ERBB4: variants seen among roughly 807,000 people sequenced by gnomAD.
The protein encoded by ERBB4 is erb-b2 receptor tyrosine kinase 4.
In ERBB4, 42 loss-of-function variants were observed where a neutral mutation model predicts 158.0. The observed-to-expected ratio is 0.27, with a 90% CI of 0.21 to 0.34. ERBB4 has a LOEUF of 0.34. Ranked by LOEUF, ERBB4 falls within the 10% of genes least tolerant of loss-of-function variation. The pLI is 1.00. For missense variants in ERBB4, 1,333 were observed against 1,624.1 expected, an observed-to-expected ratio of 0.82 and a Z score of 3.08; for synonymous variants, 583 against 558.7, an observed-to-expected ratio of 1.04 and a Z score of -0.61.
At chr2:211,472,204 T>A (rs2064843895) in intron 20 of ERBB4, among the ~76,000 whole-genome samples, 1 of 151,884 alleles carries the variant, frequency 6.6e-6, no homozygotes, top group Admixed American at 6.6e-5. Context: ...TAAGGAATGT[T>A]AAGAGGGAAG....
chr2:212,380,852 A>C (rs894432763), intron 1 of ERBB4, among the ~76,000 whole-genome samples: 1 of 151,186 alleles, frequency 6.6e-6, no homozygotes, highest in African/African-American at 2.4e-5. Context: ...TATTTACTTA[A>C]AGTTTATTCA....
intron 14 of ERBB4, among the ~76,000 whole-genome samples, chr2:211,668,423 T>C (rs542485488): frequency 2.8e-4 from 42 of 152,324 alleles, no homozygotes; most frequent in African/African-American, 9.1e-4. Context: ...TTTCATTATA[T>C]TCCCAAAGGC....
intron 1 of ERBB4, among the ~76,000 whole-genome samples, chr2:212,313,528 T>G (rs999809456): frequency 2.7e-5 from 4 of 146,820 alleles, no homozygotes; most frequent in Non-Finnish European, 4.6e-5. Flanking sequence ...TGATTCTAGT[T>G]TATTAATATC....
chr2:212,352,222 C>A (rs1362737633), intron 1 of ERBB4, among the ~76,000 whole-genome samples: 1 of 151,518 alleles, frequency 6.6e-6, no homozygotes, highest in Non-Finnish European at 1.5e-5. Flanking sequence ...AGGTACTATC[C>A]TTTGTACCTG....
chr2:212,060,709 G>C (rs528040209), intron 2 of ERBB4, among the ~76,000 whole-genome samples: 48 of 149,522 alleles, frequency 3.2e-4, no homozygotes, highest in African/African-American at 1.0e-3. Flanking sequence ...TTATCTCAAG[G>C]ATAAAAAACC....
At chr2:211,658,380 TAA>T (rs140947685) in intron 15 of ERBB4, among the ~76,000 whole-genome samples, 3 of 151,154 alleles carry the variant, frequency 2.0e-5, no homozygotes, top group African/African-American at 7.3e-5. Context: ...TAAGTTTAAA[TAA>T]AAAAAAAACA....
rs1402722 is a variant in ERBB4 at position 211,954,963 on chromosome 2, C to A, written c.235-7347G>T. Reference sequence around the variant, plus strand: ...ATAGTATGTTTGCTTTGGAATTCTGCGTTCATTTTTCCCATTGTTTTTAAA... The same window carrying A: ...ATAGTATGTTTGCTTTGGAATTCTGAGTTCATTTTTCCCATTGTTTTTAAA... On this transcript the variant is annotated intron_variant, in intron 2 of 27. Coordinates refer to ENST00000342788, the MANE Select transcript of ERBB4 (RefSeq NM_005235.3). Among the ~76,000 whole-genome samples the A allele has an allele frequency of 3.6e-3, 551 of 152,082 alleles. 1 individual carries two copies. Among genetic ancestry groups the A allele is most frequent in the Middle Eastern group, 0.01 (3 of 294 alleles).
chr2:212,474,839 T>TTTTTTTTTTTTTTTTTTG lies in ERBB4; in HGVS notation c.82+63609_82+63610insCAAAAAAAAAAAAAAAAA, dbSNP rs1245995165. On this transcript the variant is annotated intron_variant, in intron 1 of 27. Transcript: ENST00000342788. Reference sequence around the variant, plus strand: ...CGGCCATTCTTTTTTTTTTTTTTTTTTGTCAAGACAAGGTCTTGCTCTATT... The same window carrying TTTTTTTTTTTTTTTTTTG: ...CGGCCATTCTTTTTTTTTTTTTTTTTTTTTTTTTTTTTTTTTTGTGTCAAGACAAGGTCTTGCTCTATT... Among the ~76,000 whole-genome samples, 8 of 136,158 alleles carry TTTTTTTTTTTTTTTTTTG rather than the reference T, an allele frequency of 5.9e-5. 1 individual carries two copies. Among genetic ancestry groups the TTTTTTTTTTTTTTTTTTG allele is most frequent in the African/African-American group, 2.0e-4 (6 of 29,622 alleles). The allele number at this position is 136,158 out of a possible 152,430, so 89.3% of individuals were successfully genotyped here.
At chr2:212,021,530 G>T (rs1472649441) in intron 2 of ERBB4, among the ~76,000 whole-genome samples, 2 of 152,094 alleles carry the variant, frequency 1.3e-5, no homozygotes, top group Non-Finnish European at 2.9e-5. Context: ...GCAGAAAATT[G>T]AAACTGGAAT....
chr2:212,193,706 C>T (rs1192556085), intron 1 of ERBB4, among the ~76,000 whole-genome samples: 1 of 151,876 alleles, frequency 6.6e-6, no homozygotes, highest in African/African-American at 2.4e-5. Flanking sequence ...TGATGAAATT[C>T]ATATTTAAAA....
intron 2 of ERBB4, among the ~76,000 whole-genome samples, chr2:211,955,415 GT>G (rs1390639126): frequency 6.6e-6 from 1 of 151,900 alleles, no homozygotes; most frequent in African/African-American, 2.4e-5. Context: ...AGGGTTAATA[GT>G]CCCCCTTCAG....
intron 1 of ERBB4, among the ~76,000 whole-genome samples, chr2:212,479,532 T>A (rs970167288): frequency 6.6e-6 from 1 of 152,172 alleles, no homozygotes; most frequent in African/African-American, 2.4e-5. Flanking sequence ...TGAAAGTCAT[T>A]AACTCATTAA....
intron 2 of ERBB4, among the ~76,000 whole-genome samples, chr2:212,048,899 G>A (rs923630638): frequency 6.6e-6 from 1 of 152,320 alleles, no homozygotes; most frequent in South Asian, 2.1e-4. Context: ...AGGAGAGGAA[G>A]TCCTACAACC....
intron 1 of ERBB4, among the ~76,000 whole-genome samples, chr2:212,180,598 G>A (rs1559672444): frequency 6.6e-6 from 1 of 151,622 alleles, no homozygotes; most frequent in Admixed American, 6.6e-5. Flanking sequence ...AAAGCATTAT[G>A]CTGAATCGGG....
rs191038604 is a variant in ERBB4, at chr2:211,614,008, G to C, written c.2301+5169C>G. ...GCACTACTTACAATAGGTTAGATTTGGAAGCAACCTAAGTGTCCATCAACA... is the reference window on the plus strand; with the variant it reads ...GCACTACTTACAATAGGTTAGATTTCGAAGCAACCTAAGTGTCCATCAACA... On this transcript the variant is annotated intron_variant, in intron 19 of 27. Coordinates refer to ENST00000342788, the MANE Select transcript of ERBB4 (RefSeq NM_005235.3). Among the ~76,000 whole-genome samples, 7 of 152,094 alleles carry C rather than the reference G, an allele frequency of 4.6e-5. No individual in the cohort carries two copies. In the East Asian group the frequency reaches 1.4e-3, roughly 29 times the overall value.
chr2:212,192,042 A>ATGTTATATATGTTATATGTTATATAT (rs1553589175), intron 1 of ERBB4, among the ~76,000 whole-genome samples: 19 of 48,824 alleles, frequency 3.9e-4, no homozygotes, highest in African/African-American at 7.9e-4. Context: ...TATATGTTAT[A>ATGTTATATATGTTATATGTTATATAT]TATATGTTAT....
chr2:211,942,038 T>A (rs1359549161), intron 3 of ERBB4, among the ~76,000 whole-genome samples: 1 of 152,148 alleles, frequency 6.6e-6, no homozygotes, highest in African/African-American at 2.4e-5. Flanking sequence ...GTAGGCCAGG[T>A]CTTTGCACAG....
At chr2:211,626,966 A>AT (rs111847029) in intron 17 of ERBB4, among the ~76,000 whole-genome samples, 13,275 of 150,582 alleles carry the variant, frequency 0.088, 1,425 homozygotes, top group African/African-American at 0.25. Flanking sequence ...TAAAAAAAAA[A>AT]AAGTGTGTGT....
Position 211,722,484 on chromosome 2 carries a change from T to C in ERBB4, c.792A>G (p.Gln264=), listed in dbSNP as rs1461129568. The change falls in exon 7 of 28, where the codon CAA becomes CAG. Residue 264 remains glutamine, a synonymous_variant. Coordinates refer to ENST00000342788, the MANE Select transcript of ERBB4 (RefSeq NM_005235.3). Reference sequence around the variant, plus strand: ...AGGTGGTTGGATTGTAGACAAAGGTTTGGGGACACTGAGTAACACATGCTC... The same window carrying C: ...AGGTGGTTGGATTGTAGACAAAGGTCTGGGGACACTGAGTAACACATGCTC... ...DSGACVTQCP[Q]TFVYNPTTFQ... The C allele has an allele frequency of 1.9e-6, 3 of 1,614,006 alleles. No homozygotes were observed. Among genetic ancestry groups the C allele is most frequent in the Middle Eastern group, 1.7e-4 (1 of 6,058 alleles).
Sources: allele counts gnomAD v4.1 joint callset (sites outside exome capture counted in the v4.1 genomes callset), GRCh38; gene constraint gnomAD v4.1.1; transcripts MANE v1.5; gene names NCBI Gene and HGNC (gene_info 2026-07-23, HGNC 2026-07-21).